The following GRAMD4 variants were observed in gnomAD, a reference collection of about 807,000 sequenced individuals.
GRAMD4 encodes the protein GRAM domain containing 4, also known as GRAM domain-containing protein 4.
A neutral mutation model predicts 83.9 loss-of-function variants in GRAMD4; 25 were observed. The ratio of observed to expected loss-of-function variants is 0.30; its 90% CI spans 0.22 to 0.42. The LOEUF (loss-of-function observed/expected upper bound fraction) is 0.42. Among genes scored for constraint, GRAMD4 ranks in the 10% least tolerant of loss-of-function variants. The pLI, the probability that GRAMD4 is intolerant of heterozygous loss-of-function variation, is 1.00. For missense variants in GRAMD4, 593 were observed against 788.7 expected (o/e 0.75, Z 2.97); for synonymous variants, 336 against 320.9 (o/e 1.05, Z -0.50).
rs576210761 is a variant in GRAMD4 at position 46,620,456 on chromosome 22, G to A, written c.-159G>A. On this transcript the variant is annotated 5_prime_UTR_variant, in exon 1 of 19. Transcript: ENST00000406902. The surrounding 1 kb of genome is among the most constrained non-coding windows in gnomAD (Gnocchi z 4.7). ...CTCTCCGTGCCTGCTGGTGTTGGGC[G>A]GCTTGGAGGCTATGGTTCCTGGGTC... The A allele has an allele frequency of 2.0e-5, 20 of 985,280 alleles. No homozygotes were observed. In the East Asian group the frequency reaches 3.4e-4, roughly 17 times the overall value. The allele number at this position is 985,280 out of a possible 1,614,324, so 61.0% of individuals were successfully genotyped here. A position where few individuals can be genotyped will look rare whatever the true frequency, so the allele number is the denominator to read the frequency against.
At chr22:46,650,885 C>G (rs1373539112) in intron 3 of GRAMD4, among the ~76,000 whole-genome samples, 4 of 152,210 alleles carry the variant, frequency 2.6e-5, no homozygotes, top group Non-Finnish European at 4.4e-5. Context: ...TAGAGCTTGA[C>G]CCCTGACTGC....
In GRAMD4 at chr22:46,626,897, G is replaced by A; in HGVS notation, c.98G>A (p.Ser33Asn). 6.2e-7 allele frequency: 1 copy of A among 1,614,196 alleles called. No homozygotes were observed. Among genetic ancestry groups the A allele is most frequent in the Non-Finnish European group, 8.5e-7 (1 of 1,180,002 alleles). ...CCAAATGCCTCGGACACCGAATGCA[G>A]CGACGAAATCCCCCTGAAGGTACCG... ...ESPNASDTECSDEIPLKVPRT... is the reference protein window; with the variant it reads ...ESPNASDTECNDEIPLKVPRT... Residue 33 changes from serine (S) to asparagine (N), a missense_variant, in exon 2 of 19, where the codon AGC (serine) becomes AAC (asparagine). Ser to Asn is a conservative substitution (Grantham distance 46). Coordinates refer to ENST00000406902, the MANE Select transcript of GRAMD4 (RefSeq NM_015124.5).
intron 1 of GRAMD4, among the ~76,000 whole-genome samples, chr22:46,592,966 T>C (rs2081225053): frequency 6.6e-6 from 1 of 152,158 alleles, no homozygotes; most frequent in African/African-American, 2.4e-5. Context: ...AAACCCCACA[T>C]TGTGATTATT....
Position 46,658,377 on chromosome 22 carries a change from G to A in GRAMD4, c.404+70G>A, listed in dbSNP as rs960311071. 7.5e-5 allele frequency: 75 copies of A among 996,760 alleles called. No individual in the cohort carries two copies. In the East Asian group the frequency reaches 1.6e-3, roughly 21 times the overall value. The allele number at this position is 996,760 out of a possible 1,614,324, so 61.7% of individuals were successfully genotyped here. A position where few individuals can be genotyped will look rare whatever the true frequency, so the allele number is the denominator to read the frequency against. On this transcript the variant is annotated intron_variant, in intron 4 of 18. Coordinates refer to ENST00000406902, the MANE Select transcript of GRAMD4 (RefSeq NM_015124.5). ...AACCCCCCACCCCACCCGCCCCGCC[G>A]TCCTCTGCTGCACCCATAGCGTCTT...
intron 3 of GRAMD4, among the ~76,000 whole-genome samples, chr22:46,653,747 C>T (rs1482961637): frequency 6.6e-6 from 1 of 152,172 alleles, no homozygotes; most frequent in African/African-American, 2.4e-5. Context: ...ATGTGGGCTG[C>T]CTTGACCTTG....
At chr22:46,589,259 G>C (rs1225935388) in intron 1 of GRAMD4, among the ~76,000 whole-genome samples, 2 of 150,932 alleles carry the variant, frequency 1.3e-5, no homozygotes, top group Non-Finnish European at 3.0e-5. Context: ...GGGGAGTCCT[G>C]GGTTTGGGGG....
chr22:46,645,342 T>C (rs1005350500), intron 3 of GRAMD4, among the ~76,000 whole-genome samples: 7 of 152,078 alleles, frequency 4.6e-5, no homozygotes, highest in African/African-American at 1.7e-4. Flanking sequence ...CCCACAGACA[T>C]ATTCTGGTTG....
At chr22:46,623,515 G>A (rs2081608167) in intron 1 of GRAMD4, among the ~76,000 whole-genome samples, 1 of 151,914 alleles carries the variant, frequency 6.6e-6, no homozygotes, top group African/African-American at 2.4e-5. Flanking sequence ...AGCCTCCTGA[G>A]TAGCTGGGAC....
chr22:46,658,538 T>C (rs1051086001), intron 4 of GRAMD4, among the ~76,000 whole-genome samples: 6 of 151,954 alleles, frequency 3.9e-5, no homozygotes, highest in African/African-American at 1.5e-4. Context: ...CCTCTGGCGG[T>C]CTGGAAAAGG....
chr22:46,638,326 A>G (rs746204278), intron 3 of GRAMD4, among the ~76,000 whole-genome samples: 2 of 152,240 alleles, frequency 1.3e-5, no homozygotes, highest in Non-Finnish European at 2.9e-5. Flanking sequence ...TTGCATTCCC[A>G]GTGGGTGGCT....
At chr22:46,670,242 CT>C (rs2082481737) in intron 13 of GRAMD4, among the ~76,000 whole-genome samples, 1 of 152,266 alleles carries the variant, frequency 6.6e-6, no homozygotes, top group Non-Finnish European at 1.5e-5. Context: ...AAGCCCGACC[CT>C]AGCCCTGACC....
chr22:46,680,584 AT>A (rs1569313386), downstream of GRAMD4, among the ~76,000 whole-genome samples: 79 of 141,694 alleles, frequency 5.6e-4, no homozygotes, highest in Non-Finnish European at 9.0e-4. Flanking sequence ...CCATCCATCC[AT>A]CCATCCATCC....
chr22:46,618,617 G>A (rs1177371545), upstream of GRAMD4, among the ~76,000 whole-genome samples: 2 of 152,204 alleles, frequency 1.3e-5, no homozygotes, highest in African/African-American at 4.8e-5. The surrounding 1 kb of genome is among the most constrained non-coding windows in gnomAD (Gnocchi z 5.8). Context: ...TGCAGAGGCT[G>A]ATTTTGCCTT....
chr22:46,645,140 G>A (rs1179367679), intron 3 of GRAMD4, among the ~76,000 whole-genome samples: 1 of 151,894 alleles, frequency 6.6e-6, no homozygotes. Flanking sequence ...GCACCTGGAG[G>A]ATATGGGATG....
At chr22:46,673,591 G>C (rs1472406871) in intron 14 of GRAMD4, 79 bp from the exon 15 acceptor site, 2 of 1,510,954 alleles carry the variant, frequency 1.3e-6, no homozygotes, top group Non-Finnish European at 1.8e-6. Flanking sequence ...CTTTTGGGGA[G>C]GTGTGTGTGC....
At chr22:46,623,439 G>A (rs1212406392) in intron 1 of GRAMD4, among the ~76,000 whole-genome samples, 1 of 152,150 alleles carries the variant, frequency 6.6e-6, no homozygotes, top group Non-Finnish European at 1.5e-5. Context: ...CCAGGCTGCA[G>A]TGCAGTGGTG....
chr22:46,624,357 G>T (rs1018522832), intron 1 of GRAMD4, among the ~76,000 whole-genome samples: 2 of 97,114 alleles, frequency 2.1e-5, no homozygotes, highest in Non-Finnish European at 3.7e-5. Flanking sequence ...TTTCTGAGAC[G>T]GAGTCTCACT....
At chr22:46,610,212 T>TGCGCGGGCCACTTAAAGGAGCAC (rs1807949012) in intron 1 of GRAMD4, among the ~76,000 whole-genome samples, 1 of 152,334 alleles carries the variant, frequency 6.6e-6, no homozygotes, top group African/African-American at 2.4e-5. Flanking sequence ...GAATCTGTGA[T>TGCGCGGGCCACTTAAAGGAGCAC]GCGCGGGCCA....
chr22:46,665,551 G>A, intron 8 of GRAMD4, 64 bp from the exon 9 acceptor site: 1 of 874,606 alleles, frequency 1.1e-6, no homozygotes, highest in Non-Finnish European at 1.9e-6. Flanking sequence ...GGGGAGGCGG[G>A]AGGGATGTGC....
Sources: gnomAD v4.1 joint callset for allele counts (sites outside exome capture counted in the v4.1 genomes callset) on GRCh38, gnomAD v4.1.1 for gene constraint, Gnocchi (gnomAD v3.1) non-coding constraint, MANE v1.5 for transcripts, NCBI Gene and HGNC (gene_info 2026-07-23, HGNC 2026-07-21) for gene names.